CCDC91: variants seen among roughly 807,000 people sequenced by gnomAD.
The protein encoded by CCDC91 is coiled-coil domain containing 91.
Under a neutral mutation model 63.2 loss-of-function variants are expected in CCDC91, and 48 were observed. The ratio of observed to expected loss-of-function variants is 0.76; its 90% CI spans 0.60 to 0.97. The LOEUF is 0.97. Ranked by LOEUF, CCDC91 falls within the 50% of genes least tolerant of loss-of-function variation. The pLI, the probability that CCDC91 is intolerant of heterozygous loss-of-function variation, is 0.00. For missense variants in CCDC91, 500 were observed against 494.6 expected, an observed-to-expected ratio of 1.01 and a Z score of -0.10; for synonymous variants, 167 against 165.8, an observed-to-expected ratio of 1.01 and a Z score of -0.06.
At chr12:28,382,141 A>T (rs960700359) in intron 7 of CCDC91, among the ~76,000 whole-genome samples, 1 of 152,032 alleles carries the variant, frequency 6.6e-6, no homozygotes, top group African/African-American at 2.4e-5. Context: ...TAGTCTTAAC[A>T]TGTTTGCTGT....
intron 6 of CCDC91, among the ~76,000 whole-genome samples, chr12:28,314,396 G>T (rs145334658): frequency 6.6e-6 from 1 of 152,092 alleles, no homozygotes; most frequent in Admixed American, 6.6e-5. Flanking sequence ...GACATTGGGC[G>T]CTTGGCAAGA....
intron 12 of CCDC91, among the ~76,000 whole-genome samples, chr12:28,526,854 C>A (rs1198941933): frequency 6.6e-6 from 1 of 151,906 alleles, no homozygotes; most frequent in East Asian, 1.9e-4. Context: ...AAAACTTTAT[C>A]TTCAAGCTCT....
intron 12 of CCDC91, among the ~76,000 whole-genome samples, chr12:28,514,011 G>C (rs1184808487): frequency 1.3e-5 from 2 of 151,792 alleles, no homozygotes; most frequent in African/African-American, 2.4e-5. Flanking sequence ...TGGTAATTCT[G>C]TTTTTAGCTC....
chr12:28,466,173 A>G (rs1950540740), intron 11 of CCDC91, among the ~76,000 whole-genome samples: 1 of 152,164 alleles, frequency 6.6e-6, no homozygotes, highest in Non-Finnish European at 1.5e-5. Flanking sequence ...CACAAAGGAG[A>G]CAAAAGAATA....
At chr12:28,286,480 T>G (rs989454689) in intron 3 of CCDC91, among the ~76,000 whole-genome samples, 1 of 152,198 alleles carries the variant, frequency 6.6e-6, no homozygotes. Context: ...GTTTCTGTAT[T>G]AGTTTGCTAA....
intron 3 of CCDC91, among the ~76,000 whole-genome samples, chr12:28,270,517 T>C (rs1251830263): frequency 6.6e-6 from 1 of 152,152 alleles, no homozygotes; most frequent in Non-Finnish European, 1.5e-5. Flanking sequence ...GCTTTAGTTA[T>C]GTAAATCAAC....
intron 12 of CCDC91, among the ~76,000 whole-genome samples, chr12:28,539,938 G>A (rs535096679): frequency 6.6e-6 from 1 of 152,230 alleles, no homozygotes; most frequent in East Asian, 1.9e-4. Flanking sequence ...GAAAAAGTCT[G>A]TTCACAGTAA....
intron 1 of CCDC91, chr12:28,236,505 T>C (rs1944959510): frequency 6.6e-6 from 1 of 152,122 alleles, no homozygotes; most frequent in Non-Finnish European, 1.5e-5. Flanking sequence ...CTTTTCTTCA[T>C]ATAAAATAAA....
At chr12:28,435,881 A>T (rs1437485870) in intron 8 of CCDC91, among the ~76,000 whole-genome samples, 1 of 151,588 alleles carries the variant, frequency 6.6e-6, no homozygotes, top group Non-Finnish European at 1.5e-5. Flanking sequence ...CTGATAATTT[A>T]TTTTGTTCTG....
chr12:28,215,323 C>T (rs1032806585), intron 1 of CCDC91, among the ~76,000 whole-genome samples: 2 of 152,128 alleles, frequency 1.3e-5, no homozygotes, highest in African/African-American at 4.8e-5. Flanking sequence ...TCTTGTGAGC[C>T]AATTTCTGAA....
chr12:28,371,844 T>C (rs1447382806), intron 7 of CCDC91, among the ~76,000 whole-genome samples: 1 of 152,242 alleles, frequency 6.6e-6, no homozygotes, highest in Non-Finnish European at 1.5e-5. Flanking sequence ...GGATATCAAG[T>C]GGCATCACTA....
In CCDC91 at chr12:28,305,671, A is replaced by T. The variant is rs1199728297; in HGVS notation, c.132A>T (p.Pro44=). 3.7e-6 allele frequency: 6 copies of T among 1,611,840 alleles called. No homozygotes were observed. In the African/African-American group the frequency reaches 5.4e-5, roughly 14 times the overall value. The change falls in exon 4 of 13, where the codon CCA becomes CCT. Residue 44 remains proline (P), a synonymous_variant. Coordinates refer to ENST00000536442, the MANE Select transcript of CCDC91 (RefSeq NM_018318.5). ...TAGTATCTGGAGTCCATCTTTCACC[A>T]TCTTCTCCTGAGATTGTACTGGACC... is the stretch of plus-strand genomic sequence containing the variant. ...FPAVSGVHLS[P]SSPEIVLDRD... is the part of the protein sequence containing the mutation.
chr12:28,517,287 A>C (rs533474742), intron 12 of CCDC91, among the ~76,000 whole-genome samples: 47 of 152,114 alleles, frequency 3.1e-4, no homozygotes, highest in African/African-American at 1.1e-3. Context: ...GCTTGAACTG[A>C]AAACAAGAAT....
At chr12:28,457,924 A>G (rs772399005) in intron 11 of CCDC91, among the ~76,000 whole-genome samples, 22 of 152,080 alleles carry the variant, frequency 1.4e-4, no homozygotes, top group Non-Finnish European at 2.2e-4. Flanking sequence ...AAAATCCTGT[A>G]AAAGAACTCC....
At chr12:28,222,025 G>A (rs1010277804) in intron 1 of CCDC91, among the ~76,000 whole-genome samples, 20 of 152,184 alleles carry the variant, frequency 1.3e-4, no homozygotes, top group African/African-American at 3.1e-4. Context: ...ACTTTGTTTC[G>A]TTTCTTTTGG....
At chr12:28,418,852 A>T (rs1358987948) in intron 8 of CCDC91, among the ~76,000 whole-genome samples, 1 of 152,134 alleles carries the variant, frequency 6.6e-6, no homozygotes, top group Non-Finnish European at 1.5e-5. Flanking sequence ...TCTGGCCATT[A>T]TGAAATTTAA....
At chr12:28,509,527 G>A (rs1239063756) in intron 12 of CCDC91, among the ~76,000 whole-genome samples, 1 of 151,802 alleles carries the variant, frequency 6.6e-6, no homozygotes, top group Non-Finnish European at 1.5e-5. Context: ...CAGTTTAATA[G>A]AGCTTATTTC....
intron 6 of CCDC91, among the ~76,000 whole-genome samples, chr12:28,316,051 C>T (rs1939831278): frequency 6.6e-6 from 1 of 151,922 alleles, no homozygotes; most frequent in African/African-American, 2.4e-5. Flanking sequence ...TAATAGCAAT[C>T]TAATTCTTTT....
chr12:28,372,892 A>G (rs1944710541), intron 7 of CCDC91, among the ~76,000 whole-genome samples: 1 of 152,112 alleles, frequency 6.6e-6, no homozygotes, highest in African/African-American at 2.4e-5. Context: ...GAAGATGGGC[A>G]TCCTTGTCTT....
Sources: allele counts gnomAD v4.1 joint callset (sites outside exome capture counted in the v4.1 genomes callset), GRCh38; gene constraint gnomAD v4.1.1; transcripts MANE v1.5; gene names NCBI Gene and HGNC (gene_info 2026-07-23, HGNC 2026-07-21).